The following NALF1 variants were observed in gnomAD, a reference collection of about 807,000 sequenced individuals.
The protein encoded by NALF1 is NALCN channel auxiliary factor 1.
NALF1 carries 3 observed loss-of-function variants against 48.4 expected under a neutral mutation model. The ratio of observed to expected loss-of-function variants is 0.06; its 90% CI spans 0.03 to 0.16. The LOEUF (loss-of-function observed/expected upper bound fraction) is 0.16, where lower values mean the gene tolerates loss of function less well. Among genes scored for constraint, NALF1 ranks in the 10% least tolerant of loss-of-function variants. The pLI is 1.00. For synonymous variants in NALF1, 262 were observed against 245.7 expected (o/e 1.07, Z -0.62); for missense variants, 526 against 571.5 (o/e 0.92, Z 0.81).
intron 1 of NALF1, among the ~76,000 whole-genome samples, chr13:107,819,623 T>A (rs899916940): frequency 1.6e-4 from 24 of 152,172 alleles, no homozygotes; most frequent in African/African-American, 5.8e-4. Context: ...TTAAAGAATA[T>A]ATTAATTGTG....
chr13:107,416,178 T>TG, intron 1 of NALF1, among the ~76,000 whole-genome samples: 1 of 150,508 alleles, frequency 6.6e-6, no homozygotes. Flanking sequence ...GGCTAAATTT[T>TG]TTTTTTTTTT....
At chr13:107,259,499 G>A (rs1053519839) in intron 1 of NALF1, among the ~76,000 whole-genome samples, 1 of 152,202 alleles carries the variant, frequency 6.6e-6, no homozygotes, top group Non-Finnish European at 1.5e-5. Context: ...GACATTGAGA[G>A]GCATGAGGAC....
At chr13:107,855,598 AC>A (rs1297265501) in intron 1 of NALF1, among the ~76,000 whole-genome samples, 1 of 152,112 alleles carries the variant, frequency 6.6e-6, no homozygotes, top group African/African-American at 2.4e-5. Context: ...TCCCTCTAAA[AC>A]AAAAACAAAA....
At chr13:107,418,822 C>A (rs1005963088) in intron 1 of NALF1, among the ~76,000 whole-genome samples, 1 of 152,100 alleles carries the variant, frequency 6.6e-6, no homozygotes, top group Non-Finnish European at 1.5e-5. Context: ...ACATGTAATA[C>A]CCCTGAAACA....
chr13:107,611,440 T>C (rs186578580), intron 1 of NALF1, among the ~76,000 whole-genome samples: 166 of 152,298 alleles, frequency 1.1e-3, no homozygotes, highest in Middle Eastern at 3.4e-3. Flanking sequence ...AGAGTGTCCA[T>C]TGATGGATGA....
chr13:107,765,504 C>A (rs867017355), intron 1 of NALF1, among the ~76,000 whole-genome samples: 2 of 152,126 alleles, frequency 1.3e-5, no homozygotes, highest in South Asian at 2.1e-4. Context: ...TAGCTCAGCA[C>A]ATAATCTTGC....
At chr13:107,815,736 CAATGTCCATCAACTGGTG>C (rs1879144338) in intron 1 of NALF1, among the ~76,000 whole-genome samples, 1 of 152,134 alleles carries the variant, frequency 6.6e-6, no homozygotes, top group African/African-American at 2.4e-5. Context: ...TGAACAACCC[CAATGTCCATCAACTGGTG>C]AATGGATAAA....
chr13:107,262,226 C>T (rs1040381109), intron 1 of NALF1, among the ~76,000 whole-genome samples: 6 of 152,000 alleles, frequency 3.9e-5, no homozygotes, highest in African/African-American at 1.2e-4. Context: ...ACCAGCCTGG[C>T]CAACATAGTG....
In NALF1 at chr13:107,454,358, C is replaced by G. The variant is rs558375400; in HGVS notation, c.916-243603G>C. Reference sequence around the variant, plus strand: ...GTCTGGGGAGGCCTCAGGAAAATTACAATTATGGCAGAAGACAAAGGGAAA... The same window carrying G: ...GTCTGGGGAGGCCTCAGGAAAATTAGAATTATGGCAGAAGACAAAGGGAAA... On this transcript the variant is annotated intron_variant, in intron 1 of 2. Coordinates refer to ENST00000375915, the MANE Select transcript of NALF1 (RefSeq NM_001080396.3). Among the ~76,000 whole-genome samples, 18 of 152,246 alleles carry G rather than the reference C, an allele frequency of 1.2e-4. 1 individual carries two copies. The highest frequency in any genetic ancestry group is 4.1e-4 in the African/African-American group (17 of 41,560).
intron 1 of NALF1, among the ~76,000 whole-genome samples, chr13:107,353,016 C>T (rs1332360424): frequency 6.6e-6 from 1 of 152,076 alleles, no homozygotes; most frequent in Non-Finnish European, 1.5e-5. Flanking sequence ...GGGGAACTTA[C>T]CTGCATAACG....
chr13:107,737,192 T>C (rs915746160), intron 1 of NALF1, among the ~76,000 whole-genome samples: 1 of 152,222 alleles, frequency 6.6e-6, no homozygotes, highest in South Asian at 2.1e-4. Context: ...GTAGCCATTA[T>C]ATAATTTCCA....
intron 1 of NALF1, among the ~76,000 whole-genome samples, chr13:107,462,951 C>A (rs2139044617): frequency 6.6e-6 from 1 of 152,276 alleles, no homozygotes; most frequent in South Asian, 2.1e-4. Context: ...TCCTATGAGT[C>A]CTTCTAGGAA....
chr13:107,245,757 T>C (rs1310115400), intron 1 of NALF1, among the ~76,000 whole-genome samples: 3 of 152,302 alleles, frequency 2.0e-5, no homozygotes, highest in East Asian at 3.9e-4. Context: ...GGGATTTCTT[T>C]TTTTTTATAT....
chr13:107,809,007 A>G (rs898819996), intron 1 of NALF1, among the ~76,000 whole-genome samples: 2 of 152,100 alleles, frequency 1.3e-5, no homozygotes, highest in Non-Finnish European at 2.9e-5. Context: ...AAACTATACA[A>G]AATTTTCAGT....
chr13:107,221,436 T>C (rs2138815550), intron 1 of NALF1, among the ~76,000 whole-genome samples: 2 of 152,094 alleles, frequency 1.3e-5, no homozygotes, highest in Non-Finnish European at 2.9e-5. Flanking sequence ...AAAAATTAGC[T>C]GGGCGTGGCG....
rs1217841952 is a variant in NALF1 at position 107,306,321 on chromosome 13, C to A, written c.916-95566G>T. Among the ~76,000 whole-genome samples the A allele has an allele frequency of 3.9e-5, 6 of 152,118 alleles. No individual in the cohort carries two copies. In the East Asian group the frequency reaches 1.2e-3, roughly 29 times the overall value. ...CAAAGATGTTCCTGCCTCCCATCTG[C>A]GGCTGATGGGACAGACTTGAGGATT... On this transcript the variant is annotated intron_variant, in intron 1 of 2. Transcript: ENST00000375915.
intron 1 of NALF1, among the ~76,000 whole-genome samples, chr13:107,335,964 T>C (rs1361806630): frequency 6.6e-6 from 1 of 152,208 alleles, no homozygotes; most frequent in East Asian, 1.9e-4. Flanking sequence ...TTTTAAGTAA[T>C]TCATTAAGCT....
At chr13:107,410,678 CTG>C (rs1883975267) in intron 1 of NALF1, among the ~76,000 whole-genome samples, 1 of 152,050 alleles carries the variant, frequency 6.6e-6, no homozygotes, top group South Asian at 2.1e-4. Flanking sequence ...AAAGCAGATT[CTG>C]TGAGGCACCT....
chr13:107,333,376 A>C (rs1328594978), intron 1 of NALF1, among the ~76,000 whole-genome samples: 1 of 152,186 alleles, frequency 6.6e-6, no homozygotes, highest in East Asian at 1.9e-4. Flanking sequence ...CAAAAAAAGC[A>C]CAAGAAATGA....
Sources: gnomAD v4.1 joint callset for allele counts (sites outside exome capture counted in the v4.1 genomes callset) on GRCh38, gnomAD v4.1.1 for gene constraint, MANE v1.5 for transcripts, NCBI Gene and HGNC (gene_info 2026-07-23, HGNC 2026-07-21) for gene names.